The following ADGRB3 variants were observed in gnomAD, a reference collection of about 807,000 sequenced individuals.
The protein encoded by ADGRB3 is adhesion G protein-coupled receptor B3.
Under a neutral mutation model 193.4 loss-of-function variants are expected in ADGRB3, and 37 were observed. That is an observed-to-expected ratio of 0.19 (90% CI 0.15 to 0.25). ADGRB3 has a LOEUF of 0.25. Among genes scored for constraint, ADGRB3 ranks in the 10% least tolerant of loss-of-function variants. The pLI, the probability that ADGRB3 is intolerant of heterozygous loss-of-function variation, is 1.00. For missense variants in ADGRB3, 1,637 were observed against 1,852.9 expected, an observed-to-expected ratio of 0.88 and a Z score of 2.14; for synonymous variants, 690 against 644.2, an observed-to-expected ratio of 1.07 and a Z score of -1.08.
chr6:68,661,547 A>ATGTG (rs1400390520), intron 3 of ADGRB3, among the ~76,000 whole-genome samples: 7 of 25,948 alleles, frequency 2.7e-4, no homozygotes, highest in African/African-American at 1.1e-3. Flanking sequence ...ACATATATAT[A>ATGTG]TATATATATA....
chr6:69,172,519 C>T (rs747449054), intron 17 of ADGRB3, among the ~76,000 whole-genome samples: 1 of 151,270 alleles, frequency 6.6e-6, no homozygotes, highest in Non-Finnish European at 1.5e-5. Flanking sequence ...TGGCGGGTGC[C>T]TGTAGTCCCA....
At position 69,014,052 on chromosome 6, in the gene ADGRB3, A is replaced by G. The variant is rs1291211746; in HGVS notation, c.1944A>G (p.Ile648Met). ...ASDGVQNFFQ[I>M]VSNLLDEENK... The stretch of plus-strand genomic sequence containing the variant: ...TTAATTTACAGAACTTCTTTCAAAT[A>G]GTTAGCAACCTTCTAGATGAAGAAA... Residue 648 changes from isoleucine (I) to methionine (M), a missense_variant, in exon 12 of 32, where the codon ATA becomes ATG. Ile to Met is a conservative substitution (Grantham distance 10). Transcript: ENST00000370598. 1 of 1,592,938 alleles carries G rather than the reference A, an allele frequency of 6.3e-7. No individual in the cohort carries two copies. Among genetic ancestry groups the G allele is most frequent in the South Asian group, 1.1e-5 (1 of 89,020 alleles).
chr6:69,249,630 A>G (rs1473129916), intron 20 of ADGRB3, among the ~76,000 whole-genome samples: 1 of 152,176 alleles, frequency 6.6e-6, no homozygotes, highest in Non-Finnish European at 1.5e-5. Context: ...GCATAGACAG[A>G]GTTCTCTTTT....
chr6:69,015,844 T>TA (rs545689462), intron 12 of ADGRB3, among the ~76,000 whole-genome samples: 167 of 146,220 alleles, frequency 1.1e-3, no homozygotes, highest in Middle Eastern at 3.4e-3. Context: ...CTACTAAAGT[T>TA]AAAAAAAAAA....
intron 20 of ADGRB3, among the ~76,000 whole-genome samples, chr6:69,271,659 A>G (rs1767182162): frequency 6.6e-6 from 1 of 152,154 alleles, no homozygotes; most frequent in African/African-American, 2.4e-5. Context: ...CTAAGTCAGA[A>G]ATGTAAACAT....
chr6:68,885,192 G>A (rs570232912), intron 3 of ADGRB3, among the ~76,000 whole-genome samples: 1 of 152,206 alleles, frequency 6.6e-6, no homozygotes, highest in South Asian at 2.1e-4. Context: ...TCTGAAGGAA[G>A]GATTTGTGAT....
intron 4 of ADGRB3, among the ~76,000 whole-genome samples, chr6:68,933,363 C>T (rs1007422795): frequency 2.0e-5 from 3 of 152,066 alleles, no homozygotes; most frequent in African/African-American, 4.8e-5. Context: ...ATTTACAAGG[C>T]GGGTGAATTA....
At chr6:68,711,769 G>C (rs1749877355) in intron 3 of ADGRB3, among the ~76,000 whole-genome samples, 1 of 151,950 alleles carries the variant, frequency 6.6e-6, no homozygotes, top group African/African-American at 2.4e-5. Flanking sequence ...CATACTCATG[G>C]CTTCAATCAT....
At chr6:69,243,192 T>A (rs563405084) in intron 20 of ADGRB3, among the ~76,000 whole-genome samples, 29 of 151,926 alleles carry the variant, frequency 1.9e-4, no homozygotes, top group African/African-American at 4.3e-4. Context: ...CTTCTCTCTC[T>A]CACAAGCTCA....
At chr6:69,337,047 G>A (rs1561991556) in intron 24 of ADGRB3, among the ~76,000 whole-genome samples, 1 of 152,070 alleles carries the variant, frequency 6.6e-6, no homozygotes, top group East Asian at 1.9e-4. Context: ...AGACAAATAA[G>A]CATTTTAAGT....
chr6:69,059,504 A>G (rs920429488), intron 15 of ADGRB3, among the ~76,000 whole-genome samples: 1 of 152,176 alleles, frequency 6.6e-6, no homozygotes, highest in African/African-American at 2.4e-5. Flanking sequence ...TTAATTCTAT[A>G]TATTTTGAAA....
chr6:69,284,455 G>T (rs1273753579), intron 20 of ADGRB3, among the ~76,000 whole-genome samples: 1 of 152,018 alleles, frequency 6.6e-6, no homozygotes, highest in Non-Finnish European at 1.5e-5. Context: ...TTCTACCGAG[G>T]CAATTTAAAA....
chr6:68,993,871 C>T lies in ADGRB3; in HGVS notation c.1838C>T (p.Ala613Val). 1 of 1,614,010 alleles carries T rather than the reference C, an allele frequency of 6.2e-7. No individual in the cohort carries two copies. The highest frequency in any genetic ancestry group is 8.5e-7 in the Non-Finnish European group (1 of 1,179,894). ...LDLTQRKNFY[A>V]GDLLMSVEIL... ...TTAACTCAGAGAAAAAATTTCTATG[C>T]AGGCGATCTTCTGATGTCTGTGGAG... is the stretch of plus-strand genomic sequence containing the variant. The change falls in exon 11 of 32, where the codon GCA becomes GTA. Residue 613 changes from alanine (A) to valine (V), a missense_variant. Physicochemically the swap from Ala to Val is moderately conservative, Grantham distance 64 (BLOSUM62 0). Around this residue, in one of 7 missense-constraint regions of ADGRB3, gnomAD observed 641 missense variants for 673.9 expected, o/e 0.95. Coordinates refer to ENST00000370598, the MANE Select transcript of ADGRB3 (RefSeq NM_001704.3).
At chr6:69,023,408 T>C (rs530132153) in intron 13 of ADGRB3, among the ~76,000 whole-genome samples, 1 of 152,234 alleles carries the variant, frequency 6.6e-6, no homozygotes, top group South Asian at 2.1e-4. Flanking sequence ...CTTTGAAGAA[T>C]GGCTGGATTA....
chr6:69,141,817 C>T (rs1470285486), intron 17 of ADGRB3, among the ~76,000 whole-genome samples: 1 of 152,136 alleles, frequency 6.6e-6, no homozygotes, highest in Admixed American at 6.5e-5. Context: ...TTAGTTATGA[C>T]CAAGTTCAAG....
intron 3 of ADGRB3, among the ~76,000 whole-genome samples, chr6:68,721,627 AATAT>A (rs71852236): frequency 0.43 from 60,663 of 140,048 alleles, 14,016 homozygotes; most frequent in Middle Eastern, 0.59. Flanking sequence ...AAGTATAATA[AATAT>A]ATATATATAT....
intron 15 of ADGRB3, among the ~76,000 whole-genome samples, chr6:69,050,638 T>G (rs1771364891): frequency 6.6e-6 from 1 of 152,156 alleles, no homozygotes; most frequent in Non-Finnish European, 1.5e-5. Flanking sequence ...GTTCAGATAA[T>G]CAAAGTTAGT....
intron 3 of ADGRB3, among the ~76,000 whole-genome samples, chr6:68,749,408 A>ATG (rs60078030): frequency 0.048 from 6,579 of 136,482 alleles, 331 homozygotes; most frequent in African/African-American, 0.14. Flanking sequence ...ATATATATAT[A>ATG]TGTGTGTGTG....
intron 3 of ADGRB3, among the ~76,000 whole-genome samples, chr6:68,890,348 C>A (rs1766038160): frequency 6.6e-6 from 1 of 152,194 alleles, no homozygotes; most frequent in Non-Finnish European, 1.5e-5. Flanking sequence ...TTTTATGCTT[C>A]TTTCCACAGG....
Sources: allele counts gnomAD v4.1 joint callset (sites outside exome capture counted in the v4.1 genomes callset), GRCh38; gene constraint gnomAD v4.1.1; regional missense constraint gnomAD v4.1.1; transcripts MANE v1.5; gene names NCBI Gene and HGNC (gene_info 2026-07-23, HGNC 2026-07-21).